IQCF2: variants seen among roughly 807,000 people sequenced by gnomAD.
The protein encoded by IQCF2 is IQ domain-containing protein F2.
A neutral mutation model predicts 7.0 loss-of-function variants in IQCF2; 6 were observed. That is an observed-to-expected ratio of 0.86 (90% confidence interval 0.47 to 1.70). IQCF2 has a LOEUF of 1.70. IQCF2 is among the 40% of genes most tolerant of loss of function. IQCF2 has a pLI of 0.01. For missense variants in IQCF2, 174 were observed against 204.6 expected, an observed-to-expected ratio of 0.85 and a Z score of 0.91; for synonymous variants, 67 against 74.0, an observed-to-expected ratio of 0.91 and a Z score of 0.48.
At chr3:51,861,830 T>C (rs367706532) in intron 1 of IQCF2, 28 bp from the exon 2 acceptor site, 231 of 1,587,556 alleles carry the variant, frequency 1.5e-4, no homozygotes, top group Non-Finnish European at 1.9e-4. Flanking sequence ...AACTCATTTA[T>C]GTACTTCCCA....
chr3:51,861,924 CAGA>C lies in IQCF2; in HGVS notation c.93_95del (p.Lys32del), dbSNP rs747905623. Reference sequence around the variant, plus strand: ...AGAAAGCATTGAATGGAAGACATTGCAGAAGAAGAAACAGCAGAAAATCAAGGT... The same window carrying C: ...AGAAAGCATTGAATGGAAGACATTGCAGAAGAAACAGCAGAAAATCAAGGT... On this transcript the variant is annotated inframe_deletion, in exon 2 of 3. Coordinates refer to ENST00000333127, the MANE Select transcript of IQCF2 (RefSeq NM_203424.2). The C allele has an allele frequency of 3.7e-6, 6 of 1,613,274 alleles. No homozygotes were observed. Among genetic ancestry groups the C allele is most frequent in the South Asian group, 1.1e-5 (1 of 91,038 alleles).
intron 2 of IQCF2, 106 bp downstream of exon 2, chr3:51,862,056 C>T: frequency 1.3e-6 from 1 of 760,154 alleles, no homozygotes; most frequent in Non-Finnish European, 2.2e-6. Flanking sequence ...TAGGAGTCAA[C>T]TCAATGTTGG....
intron 2 of IQCF2, among the ~76,000 whole-genome samples, chr3:51,862,738 TC>T (rs1698651842): frequency 1.3e-5 from 2 of 152,212 alleles, no homozygotes; most frequent in Admixed American, 1.3e-4. Context: ...TAATGGTTTT[TC>T]CCTTGATCCA....
Position 51,862,995 on chromosome 3 carries a change from TAGA to T in IQCF2, c.122_124del (p.Arg41del). On this transcript the variant is annotated inframe_deletion, in exon 3 of 3. Coordinates refer to ENST00000333127, the MANE Select transcript of IQCF2 (RefSeq NM_203424.2). The stretch of plus-strand genomic sequence containing the variant: ...CTCTTGTCTCTGCCTAGGAAAAACT[TAGA>T]ATAAGAACAAAAGCAGCTGTAAAGA... The T allele has an allele frequency of 6.2e-7, 1 of 1,602,094 alleles. No individual in the cohort carries two copies. Among genetic ancestry groups the T allele is most frequent in the Non-Finnish European group, 8.5e-7 (1 of 1,172,070 alleles).
intron 2 of IQCF2, 126 bp from the exon 3 acceptor site, chr3:51,862,861 C>T: frequency 2.5e-6 from 3 of 1,189,078 alleles, no homozygotes; most frequent in Non-Finnish European, 3.5e-6. Flanking sequence ...AGTCAGTGTC[C>T]TGCTAACTTC....
At position 51,861,649 on chromosome 3, in the gene IQCF2, A is replaced by G. The variant is rs202040888; in HGVS notation, c.-18A>G. The G allele has an allele frequency of 6.2e-7, 1 of 1,614,156 alleles. No individual in the cohort carries two copies. The highest frequency in any genetic ancestry group is 1.3e-5 in the African/African-American group (1 of 75,048). ...GAAGCAGAGAAATCAGGGCTAATGA[A>G]CCATCTAAGGACAGGCCATGAGGGT... On this transcript the variant is annotated 5_prime_UTR_variant, in exon 1 of 3. Transcript: ENST00000333127.
chr3:51,861,967 G>A lies in IQCF2; in HGVS notation c.111+17G>A. The A allele has an allele frequency of 6.4e-7, 1 of 1,562,224 alleles. No homozygotes were observed. Among genetic ancestry groups the A allele is most frequent in the Admixed American group, 1.7e-5 (1 of 59,716 alleles). On this transcript the variant is annotated intron_variant, in intron 2 of 2. Coordinates refer to ENST00000333127, the MANE Select transcript of IQCF2 (RefSeq NM_203424.2). ...AAAATCAAGGTGAGAAGAATTCCAT[G>A]TACTTAAGAGAAATCCAGAACATTT...
At chr3:51,862,086 C>T in intron 2 of IQCF2, 136 bp downstream of exon 2, 1 of 647,628 alleles carries the variant, frequency 1.5e-6, no homozygotes, top group South Asian at 1.9e-5. Context: ...CCTCCATTCT[C>T]TTCTCAGTCT....
Position 51,863,206 on chromosome 3 carries a change from CG to C in IQCF2, c.332del (p.Arg111LeufsTer68). ...AGTGATCAAGCTCCAGTCTTTGGTCCGTATGTGGCGTGTCCGCTGGCGATAC... is the reference window on the plus strand; with the variant it reads ...AGTGATCAAGCTCCAGTCTTTGGTCCTATGTGGCGTGTCCGCTGGCGATAC... The part of the protein sequence containing the change: ...RAVIKLQSLV[R>X]MWRVRWRYCQ... On this transcript the variant is annotated frameshift_variant, in exon 3 of 3. Coordinates refer to ENST00000333127, the MANE Select transcript of IQCF2 (RefSeq NM_203424.2). LOFTEE classifies it high-confidence loss of function. 4 of 1,614,180 alleles carry C rather than the reference CG, an allele frequency of 2.5e-6. No homozygotes were observed. Among genetic ancestry groups the C allele is most frequent in the Non-Finnish European group, 3.4e-6 (4 of 1,180,032 alleles).
Position 51,861,889 on chromosome 3 carries a change from A to C in IQCF2, c.50A>C (p.Glu17Ala). 6.2e-7 allele frequency: 1 copy of C among 1,614,044 alleles called. No homozygotes were observed. Among genetic ancestry groups the C allele is most frequent in the African/African-American group, 1.3e-5 (1 of 75,058 alleles). Residue 17 changes from glutamate to alanine, a missense_variant, in exon 2 of 3, where the codon GAG becomes GCG. Physicochemically the swap from Glu to Ala is moderately radical, Grantham distance 107. Coordinates refer to ENST00000333127, the MANE Select transcript of IQCF2 (RefSeq NM_203424.2). ...TKGNLILVII[E>A]DVEESIEWKT... ...GGCAATTTAATTTTGGTTATAATTG[A>C]GGATGTTGAAGAAAGCATTGAATGG...
intron 2 of IQCF2, 119 bp from the exon 3 acceptor site, chr3:51,862,868 C>T (rs941175901): frequency 7.8e-7 from 1 of 1,277,598 alleles, no homozygotes; most frequent in African/African-American, 1.5e-5. Flanking sequence ...GTCCTGCTAA[C>T]TTCCCTGAAT....
intron 1 of IQCF2, 29 bp from the exon 2 acceptor site, chr3:51,861,829 A>G: frequency 6.3e-7 from 1 of 1,585,694 alleles, no homozygotes; most frequent in Non-Finnish European, 8.7e-7. Flanking sequence ...TAACTCATTT[A>G]TGTACTTCCC....
intron 2 of IQCF2, 59 bp downstream of exon 2, chr3:51,862,009 G>A: frequency 6.3e-6 from 8 of 1,268,732 alleles, no homozygotes; most frequent in Non-Finnish European, 8.0e-6. Context: ...ACATCATAAG[G>A]TGTAGGACTT....
At position 51,863,423 on chromosome 3, in the gene IQCF2, G is replaced by C; in HGVS notation, c.*53G>C. ...CTGTCCCTATTAAAGGTCTAACCTG[G>C]TCTGGTGTGTCTCATGGGCTCCCCC... On this transcript the variant is annotated 3_prime_UTR_variant, in exon 3 of 3. Transcript: ENST00000333127. The C allele has an allele frequency of 1.3e-6, 2 of 1,524,378 alleles. No homozygotes were observed. Among genetic ancestry groups the C allele is most frequent in the South Asian group, 1.2e-5 (1 of 86,008 alleles). 94.4% of individuals were successfully genotyped at this position (1,524,378 alleles called of 1,614,324 possible).
intron 2 of IQCF2, among the ~76,000 whole-genome samples, chr3:51,862,676 G>A (rs760350670): frequency 2.8e-4 from 43 of 152,176 alleles, no homozygotes; most frequent in Admixed American, 6.5e-4. Context: ...CACCAAAGAG[G>A]TGAGTGTGAC....
chr3:51,863,005 A>G lies in IQCF2; in HGVS notation c.130A>G (p.Thr44Ala), dbSNP rs1698654084. The G allele has an allele frequency of 6.2e-7, 1 of 1,609,208 alleles. No homozygotes were observed. The highest frequency in any genetic ancestry group is 1.1e-5 in the South Asian group (1 of 91,030). ...QKIKEKLRIR[T>A]KAAVKIQAWW... ...TGCCTAGGAAAAACTTAGAATAAGAACAAAAGCAGCTGTAAAGATCCAGGC... is the reference window on the plus strand; with the variant it reads ...TGCCTAGGAAAAACTTAGAATAAGAGCAAAAGCAGCTGTAAAGATCCAGGC... The change falls in exon 3 of 3, where the codon ACA becomes GCA. Residue 44 changes from threonine (T) to alanine (A), a missense_variant. Physicochemically the swap from Thr to Ala is moderately conservative, Grantham distance 58 (BLOSUM62 0). Coordinates refer to ENST00000333127, the MANE Select transcript of IQCF2 (RefSeq NM_203424.2).
chr3:51,863,302 C>G lies in IQCF2; in HGVS notation c.427C>G (p.Leu143Val). The G allele has an allele frequency of 6.2e-7, 1 of 1,614,210 alleles. No individual in the cohort carries two copies. The highest frequency in any genetic ancestry group is 8.5e-7 in the Non-Finnish European group (1 of 1,180,040). The change falls in exon 3 of 3, where the codon CTC (leucine) becomes GTC (valine). Residue 143 changes from leucine (L) to valine (V), a missense_variant. Transcript: ENST00000333127. ...WQCHNCQTCA[L>V]LQGHCVVTAT... ...ATGCCACAACTGCCAGACCTGCGCT[C>G]TCCTCCAGGGCCACTGTGTGGTCAC...
chr3:51,862,606 G>T (rs1698651086), intron 2 of IQCF2, among the ~76,000 whole-genome samples: 1 of 152,102 alleles, frequency 6.6e-6, no homozygotes, highest in Non-Finnish European at 1.5e-5. Context: ...GTGGTTTGGG[G>T]CTGGAATTAG....
At chr3:51,862,638 G>T (rs890533655) in intron 2 of IQCF2, among the ~76,000 whole-genome samples, 1 of 152,152 alleles carries the variant, frequency 6.6e-6, no homozygotes, top group Admixed American at 6.5e-5. Flanking sequence ...CAGGCAGAAG[G>T]TTATGAGGCC....
Sources: allele counts gnomAD v4.1 joint callset (sites outside exome capture counted in the v4.1 genomes callset), GRCh38; gene constraint gnomAD v4.1.1; transcripts MANE v1.5; gene names NCBI Gene and HGNC (gene_info 2026-07-23, HGNC 2026-07-21).